CNGA1: variants seen among roughly 807,000 people sequenced by gnomAD.
CNGA1 encodes cyclic nucleotide-gated channel alpha-1.
In CNGA1, 53 loss-of-function variants were observed where a neutral mutation model predicts 69.7. The ratio of observed to expected loss-of-function variants is 0.76; its 90% CI spans 0.61 to 0.96. CNGA1 has a LOEUF of 0.96. CNGA1 is among the 40% of genes least tolerant of loss of function. CNGA1 has a pLI of 0.00. For missense variants in CNGA1, 739 were observed against 811.2 expected (o/e 0.91, Z 1.08); for synonymous variants, 249 against 283.5 (o/e 0.88, Z 1.22).
intron 6 of CNGA1, among the ~76,000 whole-genome samples, chr4:47,948,270 A>G (rs772379555): frequency 6.6e-6 from 1 of 152,080 alleles, no homozygotes; most frequent in African/African-American, 2.4e-5. Flanking sequence ...AGCTACTGAC[A>G]TGATAGTTAA....
intron 2 of CNGA1, among the ~76,000 whole-genome samples, chr4:48,008,996 T>C (rs1334809931): frequency 1.9e-5 from 2 of 104,886 alleles, no homozygotes; most frequent in Non-Finnish European, 5.0e-5. Flanking sequence ...ATGAAAGCAA[T>C]CTTGGGCTGG....
chr4:47,990,141 C>T (rs995149679), intron 2 of CNGA1, among the ~76,000 whole-genome samples: 9 of 151,992 alleles, frequency 5.9e-5, no homozygotes, highest in African/African-American at 2.2e-4. Context: ...AATCAGTGCA[C>T]CCTGAAAAAG....
chr4:47,951,645 T>C (rs1462939193), intron 4 of CNGA1, among the ~76,000 whole-genome samples, 176 bp from the exon 5 acceptor site: 2 of 152,248 alleles, frequency 1.3e-5, no homozygotes, highest in Admixed American at 1.3e-4. Context: ...CATAGAATTA[T>C]ATAAAATATG....
intron 2 of CNGA1, among the ~76,000 whole-genome samples, chr4:48,008,713 G>A (rs1028915565): frequency 2.0e-5 from 3 of 152,236 alleles, no homozygotes; most frequent in Admixed American, 2.0e-4. Flanking sequence ...GCAAAATTCT[G>A]AGACAGTGAA....
intron 3 of CNGA1, among the ~76,000 whole-genome samples, chr4:47,978,381 G>A (rs1741526992): frequency 1.3e-5 from 2 of 151,966 alleles, no homozygotes; most frequent in African/African-American, 4.8e-5. Context: ...TACCTTGTAT[G>A]TCTTTGTAAT....
intron 2 of CNGA1, among the ~76,000 whole-genome samples, chr4:48,001,215 C>T (rs564890205): frequency 7.2e-5 from 11 of 152,304 alleles, no homozygotes; most frequent in African/African-American, 2.4e-4. Flanking sequence ...CCTGTAATCC[C>T]AGCACTTTGA....
chr4:47,981,994 T>G (rs2110218903), intron 2 of CNGA1, among the ~76,000 whole-genome samples: 1 of 152,308 alleles, frequency 6.6e-6, no homozygotes. Context: ...AATTGCATAT[T>G]TGACAGATAC....
chr4:47,987,131 A>G (rs554602570), intron 2 of CNGA1, among the ~76,000 whole-genome samples: 1 of 152,254 alleles, frequency 6.6e-6, no homozygotes, highest in South Asian at 2.1e-4. Context: ...TGGATTATCT[A>G]TTTAGTAGGC....
chr4:47,942,359 GTTTTTTTT>G (rs201657712), intron 8 of CNGA1, among the ~76,000 whole-genome samples: 1 of 123,322 alleles, frequency 8.1e-6, no homozygotes. Context: ...AAAACTACCA[GTTTTTTTT>G]TTTTTTTTTT....
At chr4:47,941,956 T>C (rs1578066620) in intron 9 of CNGA1, 85 bp downstream of exon 9, 1 of 804,872 alleles carries the variant, frequency 1.2e-6, no homozygotes, top group Non-Finnish European at 2.1e-6. Context: ...CCTAAAGGGC[T>C]CTAAGTCAAA....
chr4:47,984,368 G>A (rs537086660), intron 2 of CNGA1, among the ~76,000 whole-genome samples: 3 of 151,834 alleles, frequency 2.0e-5, no homozygotes, highest in Admixed American at 6.6e-5. Context: ...CTGTAATCAC[G>A]GCACTTTGGG....
At chr4:47,938,937 A>G (rs1217420459) in intron 10 of CNGA1, among the ~76,000 whole-genome samples, 1 of 151,168 alleles carries the variant, frequency 6.6e-6, no homozygotes, top group Non-Finnish European at 1.5e-5. Context: ...AAAGAGAGAG[A>G]GAGAGGGATG....
At chr4:47,937,861 T>C (rs750387121) in intron 10 of CNGA1, 32 bp from the exon 11 acceptor site, 2 of 1,533,924 alleles carry the variant, frequency 1.3e-6, no homozygotes, top group Non-Finnish European at 1.8e-6. Context: ...ATTCAGTGTT[T>C]CTCCTTTTTA....
At chr4:47,993,235 A>G (rs548775737) in intron 2 of CNGA1, among the ~76,000 whole-genome samples, 2 of 152,124 alleles carry the variant, frequency 1.3e-5, no homozygotes, top group East Asian at 3.9e-4. Context: ...CTCATTCTCT[A>G]TCTTGTGGAA....
At chr4:47,961,651 A>G (rs999632393) in intron 3 of CNGA1, among the ~76,000 whole-genome samples, 7 of 152,082 alleles carry the variant, frequency 4.6e-5, no homozygotes, top group African/African-American at 1.4e-4. Flanking sequence ...GGCTGAGGTG[A>G]CAGGATCGCT....
intron 2 of CNGA1, among the ~76,000 whole-genome samples, chr4:47,989,822 C>A (rs895024842): frequency 4.0e-5 from 6 of 151,658 alleles, no homozygotes; most frequent in African/African-American, 1.5e-4. Flanking sequence ...CCTGATTCCC[C>A]AAGTCCATTG....
chr4:47,981,526 G>C (rs1409473545), intron 2 of CNGA1, 26 bp from the exon 3 acceptor site: 1 of 152,074 alleles, frequency 6.6e-6, no homozygotes, highest in Non-Finnish European at 1.5e-5. Flanking sequence ...TAATAAACAT[G>C]CTGATTTTTT....
At chr4:47,986,606 T>C (rs1578114386) in intron 2 of CNGA1, among the ~76,000 whole-genome samples, 1 of 152,272 alleles carries the variant, frequency 6.6e-6, no homozygotes, top group South Asian at 2.1e-4. Flanking sequence ...AGGCATAAAA[T>C]TTGCTCAAAT....
intron 4 of CNGA1, 82 bp downstream of exon 4, chr4:47,952,501 A>G: frequency 6.8e-7 from 1 of 1,469,326 alleles, no homozygotes; most frequent in Non-Finnish European, 9.4e-7. Context: ...TACAAATTAT[A>G]AAGCTAAATT....
Sources: allele counts gnomAD v4.1 joint callset (sites outside exome capture counted in the v4.1 genomes callset), GRCh38; gene constraint gnomAD v4.1.1; transcripts MANE v1.5; gene names NCBI Gene and HGNC (gene_info 2026-07-23, HGNC 2026-07-21).